WDR90: variants seen among roughly 807,000 people sequenced by gnomAD.
WDR90 encodes WD repeat-containing protein 90.
In WDR90, 238 loss-of-function variants were observed where a neutral mutation model predicts 195.2. The observed-to-expected ratio is 1.22, with a 90% CI of 1.10 to 1.36. The LOEUF (loss-of-function observed/expected upper bound fraction) is 1.36. Among genes scored for constraint, WDR90 ranks in the 40% most tolerant of loss-of-function variants. WDR90 has a pLI of 0.00. For synonymous variants in WDR90, 1,265 were observed against 1,052.4 expected, an observed-to-expected ratio of 1.20 and a Z score of -3.91; for missense variants, 2,734 against 2,439.5, an observed-to-expected ratio of 1.12 and a Z score of -2.54.
intron 28 of WDR90, 159 bp from the exon 29 acceptor site, chr16:660,892 A>G: frequency 2.8e-6 from 2 of 712,546 alleles, no homozygotes; most frequent in Non-Finnish European, 3.7e-6. Flanking sequence ...CACTTTGGCT[A>G]CTGGACGCTG....
At chr16:661,316 C>A in intron 29 of WDR90, 26 bp from the exon 30 acceptor site, 1 of 1,570,930 alleles carries the variant, frequency 6.4e-7, no homozygotes. Context: ...GGCCTCCCCA[C>A]TCACGCCTGG....
Position 653,512 on chromosome 16 carries a change from T to C in WDR90, c.1234-13T>C, listed in dbSNP as rs1567215196. 1 of 1,612,828 alleles carries C rather than the reference T, an allele frequency of 6.2e-7. No homozygotes were observed. ...GCAGCCCCTACACCCTCCCTCACCC[T>C]TCTGCCTCCTAGGTCTCCGCCCTGG... On this transcript the variant is annotated splice_polypyrimidine_tract_variant and intron_variant, in intron 11 of 40. Coordinates refer to ENST00000293879, the MANE Select transcript of WDR90 (RefSeq NM_145294.5).
At position 667,606 on chromosome 16, in the gene WDR90, T is replaced by C; in HGVS notation, c.*17T>C. On this transcript the variant is annotated 3_prime_UTR_variant, in exon 41 of 41. Transcript: ENST00000293879. ...GGCCTCTGAGATGCAGCAGGGACTG[T>C]GGTGGTGGGCATCACGCCTGGTCAT... 2 of 1,603,796 alleles carry C rather than the reference T, an allele frequency of 1.2e-6. No homozygotes were observed. Among genetic ancestry groups the C allele is most frequent in the Non-Finnish European group, 1.7e-6 (2 of 1,179,856 alleles).
chr16:660,811 C>A, intron 28 of WDR90, 97 bp downstream of exon 28: 5 of 1,323,536 alleles, frequency 3.8e-6, no homozygotes, highest in Non-Finnish European at 5.1e-6. Context: ...GGCAAATGAG[C>A]GCCAGCCATC....
intron 8 of WDR90, 21 bp from the exon 9 acceptor site, chr16:651,806 T>C: frequency 1.2e-6 from 2 of 1,611,572 alleles, no homozygotes; most frequent in Non-Finnish European, 1.7e-6. Flanking sequence ...AGGACGCTGA[T>C]GGGCACTTGT....
Position 655,356 on chromosome 16 carries a change from G to T in WDR90, c.1606G>T (p.Gly536Trp), listed in dbSNP as rs369989086. Residue 536 changes from glycine (G) to tryptophan (W), a missense_variant, in exon 15 of 41, where the codon GGG becomes TGG. Physicochemically the swap from Gly to Trp is radical, Grantham distance 184. Transcript: ENST00000293879. ...GSVRLWRLRGGVLRSCPVDLG... is the reference protein window; with the variant it reads ...GSVRLWRLRGWVLRSCPVDLG... ...TGTGCGGCTCTGGCGGCTGCGTGGC[G>T]GGGTGCTGCGTTCCTGCCCCGTGGA... 103 of 1,601,856 alleles carry T rather than the reference G, an allele frequency of 6.4e-5. No individual in the cohort carries two copies. Among genetic ancestry groups the T allele is most frequent in the Non-Finnish European group, 8.3e-5 (98 of 1,179,156 alleles).
chr16:649,702 C>T (rs2037599116), intron 1 of WDR90, 61 bp from the exon 2 acceptor site: 1 of 1,494,302 alleles, frequency 6.7e-7, no homozygotes, highest in African/African-American at 1.4e-5. Flanking sequence ...CCGGCCCAGC[C>T]CCGCAGTGGC....
intron 40 of WDR90, among the ~76,000 whole-genome samples, chr16:667,214 G>A (rs1299762064): frequency 6.6e-6 from 1 of 152,216 alleles, no homozygotes; most frequent in Non-Finnish European, 1.5e-5. Context: ...GGGTGGCAGC[G>A]ACTTTTAAGG....
Position 651,189 on chromosome 16 carries a change from G to C in WDR90, c.669-10G>C, listed in dbSNP as rs1311909705. 15 of 1,613,104 alleles carry C rather than the reference G, an allele frequency of 9.3e-6. No individual in the cohort carries two copies. The highest frequency in any genetic ancestry group is 1.3e-5 in the Non-Finnish European group (15 of 1,179,998). On this transcript the variant is annotated splice_polypyrimidine_tract_variant and intron_variant, in intron 6 of 40. Transcript: ENST00000293879. ...GCCCCCAGACACTGACTCTCCCTCT[G>C]CCTGCCAAGGTTTCCAAGTGAGAGC... is the stretch of plus-strand genomic sequence containing the variant.
In WDR90 at chr16:660,049, C is replaced by G; in HGVS notation, c.3185-9C>G. The G allele has an allele frequency of 6.5e-7, 1 of 1,538,296 alleles. No homozygotes were observed. Among genetic ancestry groups the G allele is most frequent in the African/African-American group, 1.4e-5 (1 of 73,230 alleles). ...TGTAATGCCACAAGCTCTGCCTCCTCCCTGCCAGGCGCCAGGGACACCAGG... is the reference window on the plus strand; with the variant it reads ...TGTAATGCCACAAGCTCTGCCTCCTGCCTGCCAGGCGCCAGGGACACCAGG... On this transcript the variant is annotated splice_polypyrimidine_tract_variant and intron_variant, in intron 26 of 40. Coordinates refer to ENST00000293879, the MANE Select transcript of WDR90 (RefSeq NM_145294.5).
In WDR90 at chr16:666,334, G is replaced by A. The variant is rs2151396631; in HGVS notation, c.4724G>A (p.Cys1575Tyr). Residue 1575 changes from cysteine to tyrosine, a missense_variant, in exon 37 of 41, where the codon TGT (cysteine) becomes TAT (tyrosine). Coordinates refer to ENST00000293879, the MANE Select transcript of WDR90 (RefSeq NM_145294.5). ...DHQGAPISTI[C>Y]VTCKECEDLG... Reference sequence around the variant, plus strand: ...CAGGGCGCCCCAATCTCTACCATCTGTGTCACGTGCAAAGAGGTAAAGCAG... The same window carrying A: ...CAGGGCGCCCCAATCTCTACCATCTATGTCACGTGCAAAGAGGTAAAGCAG... 1 of 1,612,622 alleles carries A rather than the reference G, an allele frequency of 6.2e-7. No individual in the cohort carries two copies. The highest frequency in any genetic ancestry group is 2.2e-5 in the East Asian group (1 of 44,894).
At chr16:652,664 C>G in intron 10 of WDR90, 129 bp downstream of exon 10, 1 of 1,026,316 alleles carries the variant, frequency 9.7e-7, no homozygotes, top group Non-Finnish European at 1.3e-6. Flanking sequence ...CCCCCTGGCA[C>G]AGCGGTCCCG....
Position 661,176 on chromosome 16 carries a change from C to A in WDR90, c.3513+4C>A. On this transcript the variant is annotated splice_donor_region_variant and intron_variant, in intron 29 of 40. Coordinates refer to ENST00000293879, the MANE Select transcript of WDR90 (RefSeq NM_145294.5). ...GGCCCTCAGCCACAGTGCCCAGGTG[C>A]CCGCCTGCATCGCCCTCCTCCTCTC... The A allele has an allele frequency of 6.5e-7, 1 of 1,540,416 alleles. No individual in the cohort carries two copies.
At chr16:658,045 C>T (rs993814321) in intron 21 of WDR90, 138 bp from the exon 22 acceptor site, 92 of 1,447,228 alleles carry the variant, frequency 6.4e-5, no homozygotes, top group African/African-American at 3.1e-4. Flanking sequence ...GGCCCACGTG[C>T]GGCCAGGTTC....
intron 28 of WDR90, 135 bp downstream of exon 28, chr16:660,849 G>A (rs2037881697): frequency 3.7e-6 from 4 of 1,076,608 alleles, no homozygotes; most frequent in Non-Finnish European, 5.2e-6. Flanking sequence ...TCCCGGTAGC[G>A]CCTCCTGGCG....
In WDR90 at chr16:666,909, TGGA is replaced by T. The variant is rs533719387; in HGVS notation, c.5011_5013del (p.Glu1671del). The T allele has an allele frequency of 1.3e-4, 203 of 1,613,084 alleles. 1 individual carries two copies. The African/African-American group carries it at 2.4e-3, about 19-fold the overall frequency. Reference sequence around the variant, plus strand: ...CCTCACGCTGGCTGCTCACAGGTGGTGGAGAAGATACCACTGCCCTTTTTTGCC... The same window carrying T: ...CCTCACGCTGGCTGCTCACAGGTGGTGAAGATACCACTGCCCTTTTTTGCC... On this transcript the variant is annotated inframe_deletion, in exon 40 of 41. Transcript: ENST00000293879.
intron 19 of WDR90, 30 bp downstream of exon 19, chr16:656,901 G>A (rs927891154): frequency 3.7e-6 from 6 of 1,605,762 alleles, no homozygotes; most frequent in East Asian, 4.5e-5. Flanking sequence ...CCAGCCCCAC[G>A]GAGACCCCAC....
In WDR90 at chr16:649,837, G is replaced by T; in HGVS notation, c.85G>T (p.Asp29Tyr). The T allele has an allele frequency of 6.3e-7, 1 of 1,582,618 alleles. No individual in the cohort carries two copies. The highest frequency in any genetic ancestry group is 8.6e-7 in the Non-Finnish European group (1 of 1,164,786). Residue 29 changes from aspartate (D) to tyrosine (Y), a missense_variant, in exon 2 of 41, where the codon GAC (aspartate) becomes TAC (tyrosine). By Grantham distance (160) the Asp-to-Tyr change is radical. Coordinates refer to ENST00000293879, the MANE Select transcript of WDR90 (RefSeq NM_145294.5). ...DEWKRSAKQG[D>Y]VAVVTDKTLK... ...GTGGAAGCGCTCCGCCAAGCAGGGG[G>T]ACGTGGCCGTGGTCACGGTAGGCGG...
At chr16:659,194 AG>A in intron 25 of WDR90, 50 bp from the exon 26 acceptor site, 1 of 1,610,306 alleles carries the variant, frequency 6.2e-7, no homozygotes, top group Non-Finnish European at 8.5e-7. Context: ...GTGTCTGCCT[AG>A]TGGCCCTTCC....
Sources: allele counts gnomAD v4.1 joint callset (sites outside exome capture counted in the v4.1 genomes callset), GRCh38; gene constraint gnomAD v4.1.1; transcripts MANE v1.5; gene names NCBI Gene and HGNC (gene_info 2026-07-23, HGNC 2026-07-21).